Variants in FAM163B observed in about 807,000 individuals in gnomAD.
The protein encoded by FAM163B is protein FAM163B.
A neutral mutation model predicts 7.6 loss-of-function variants in FAM163B; 4 were observed. The observed-to-expected ratio is 0.52, with a 90% confidence interval of 0.26 to 1.20. The LOEUF (loss-of-function observed/expected upper bound fraction) is 1.20, where lower values mean the gene tolerates loss of function less well. FAM163B is among the 50% of genes most tolerant of loss of function. FAM163B has a pLI of 0.14. For missense variants in FAM163B, 250 were observed against 243.0 expected (o/e 1.03, Z -0.19); for synonymous variants, 120 against 111.6 (o/e 1.07, Z -0.47).
At chr9:133,602,096 C>T (rs571937973) in intron 1 of FAM163B, among the ~76,000 whole-genome samples, 1 of 150,836 alleles carries the variant, frequency 6.6e-6, no homozygotes, top group South Asian at 2.1e-4. Flanking sequence ...CAAACACACA[C>T]ACACAGAGCT....
intron 1 of FAM163B, among the ~76,000 whole-genome samples, chr9:133,594,970 G>A (rs146914220): frequency 2.0e-5 from 3 of 152,246 alleles, no homozygotes; most frequent in African/African-American, 2.4e-5. Context: ...CAGAGACCCC[G>A]CAGGCAGCAG....
intron 1 of FAM163B, among the ~76,000 whole-genome samples, chr9:133,585,115 T>C (rs1034098485): frequency 5.1e-4 from 77 of 152,204 alleles, no homozygotes; most frequent in African/African-American, 1.7e-3. Flanking sequence ...ACAGTCCCCT[T>C]CTGAGGGCCC....
intron 1 of FAM163B, among the ~76,000 whole-genome samples, chr9:133,582,818 C>T (rs2131219152): frequency 6.6e-6 from 1 of 152,348 alleles, no homozygotes; most frequent in East Asian, 1.9e-4. Context: ...TGGGTAGAGA[C>T]ATGAGTGCTC....
intron 1 of FAM163B, among the ~76,000 whole-genome samples, chr9:133,585,429 G>A (rs985984274): frequency 6.6e-6 from 1 of 152,212 alleles, no homozygotes; most frequent in Non-Finnish European, 1.5e-5. Flanking sequence ...TAAAGCCCAC[G>A]GGAACGGACC....
At chr9:133,586,504 T>C (rs1831440434) in intron 1 of FAM163B, among the ~76,000 whole-genome samples, 1 of 152,182 alleles carries the variant, frequency 6.6e-6, no homozygotes, top group Admixed American at 6.5e-5. Context: ...CCATGGCATT[T>C]TGCTGGCCAC....
intron 1 of FAM163B, among the ~76,000 whole-genome samples, chr9:133,588,823 T>C (rs1638882782): frequency 6.6e-6 from 1 of 151,204 alleles, no homozygotes; most frequent in African/African-American, 2.4e-5. Context: ...CCAGTCACCC[T>C]GAATGGTCGT....
chr9:133,607,805 C>T (rs778321089), intron 1 of FAM163B, among the ~76,000 whole-genome samples: 15 of 152,268 alleles, frequency 9.9e-5, no homozygotes, highest in Admixed American at 3.3e-4. Context: ...CCTGGGCCCC[C>T]GAGCCTTAGG....
At chr9:133,594,184 G>A (rs1050945779) in intron 1 of FAM163B, among the ~76,000 whole-genome samples, 2 of 152,210 alleles carry the variant, frequency 1.3e-5, no homozygotes, top group African/African-American at 2.4e-5. Context: ...CCTTTACAGC[G>A]CATTTGTTTC....
chr9:133,583,883 C>T (rs1425123851), intron 1 of FAM163B, among the ~76,000 whole-genome samples: 1 of 152,224 alleles, frequency 6.6e-6, no homozygotes, highest in Non-Finnish European at 1.5e-5. Flanking sequence ...GTCCCAGGGC[C>T]AGGCATGGCC....
At chr9:133,591,423 C>T (rs1038888714) in intron 1 of FAM163B, among the ~76,000 whole-genome samples, 4 of 152,158 alleles carry the variant, frequency 2.6e-5, no homozygotes, top group African/African-American at 4.8e-5. Context: ...CTGTTGGGGC[C>T]GTGCACACAC....
Position 133,580,395 on chromosome 9 carries a change from G to T in FAM163B, c.-23-149C>A, listed in dbSNP as rs1831338755. ...AGGCAGGGGCTCTGCCGGGGACGGG[G>T]TGCAGCAGGAGCCCAGGTCCTGCTC... On this transcript the variant is annotated intron_variant, in intron 1 of 2. Coordinates refer to ENST00000673969, the MANE Select transcript of FAM163B (RefSeq NM_001080515.3). The T allele has an allele frequency of 1.2e-5, 8 of 658,276 alleles. No individual in the cohort carries two copies. In the South Asian group the frequency reaches 1.4e-4, roughly 12 times the overall value. The allele number at this position is 658,276 out of a possible 1,614,324, so 40.8% of individuals were successfully genotyped here. A position where few individuals can be genotyped will look rare whatever the true frequency, so the allele number is the denominator to read the frequency against.
At chr9:133,584,673 G>T (rs926987825) in intron 1 of FAM163B, among the ~76,000 whole-genome samples, 6 of 152,230 alleles carry the variant, frequency 3.9e-5, no homozygotes, top group Non-Finnish European at 8.8e-5. Flanking sequence ...GGTAACGGAT[G>T]GGGGAGGAAC....
At chr9:133,599,891 A>C (rs558409409) in intron 1 of FAM163B, among the ~76,000 whole-genome samples, 1 of 143,602 alleles carries the variant, frequency 7.0e-6, no homozygotes, top group African/African-American at 2.6e-5. Flanking sequence ...ATGCATATGC[A>C]TGTGCAAGTG....
At chr9:133,597,869 A>G (rs1831654832) in intron 1 of FAM163B, among the ~76,000 whole-genome samples, 1 of 152,128 alleles carries the variant, frequency 6.6e-6, no homozygotes, top group Non-Finnish European at 1.5e-5. Context: ...GTCAACCTGG[A>G]ACGTGCAATC....
intron 1 of FAM163B, among the ~76,000 whole-genome samples, chr9:133,593,805 C>A (rs552458460): frequency 6.6e-6 from 1 of 152,238 alleles, no homozygotes; most frequent in Non-Finnish European, 1.5e-5. Context: ...ACCCCGGCCC[C>A]GAACCTCAGA....
chr9:133,580,595 C>T (rs1323745210), intron 1 of FAM163B, among the ~76,000 whole-genome samples: 7 of 152,332 alleles, frequency 4.6e-5, no homozygotes, highest in African/African-American at 7.2e-5. Flanking sequence ...CAAGCTTGCA[C>T]GTTTTTAAAT....
intron 1 of FAM163B, among the ~76,000 whole-genome samples, chr9:133,592,661 C>T (rs188065169): frequency 6.6e-6 from 1 of 152,228 alleles, no homozygotes; most frequent in Admixed American, 6.5e-5. Context: ...TGCAGCCTTG[C>T]AGATAACTAC....
chr9:133,592,260 G>A (rs769283965), intron 1 of FAM163B, among the ~76,000 whole-genome samples: 5 of 152,120 alleles, frequency 3.3e-5, no homozygotes, highest in East Asian at 1.9e-4. Context: ...AGGTGGTGCC[G>A]TGCCCCTGTG....
At chr9:133,588,595 T>C (rs192096329) in intron 1 of FAM163B, among the ~76,000 whole-genome samples, 7 of 99,364 alleles carry the variant, frequency 7.0e-5, no homozygotes, top group African/African-American at 1.1e-4. Context: ...ATCTAGCATG[T>C]TGAGGGATCT....
Sources: allele counts gnomAD v4.1 joint callset (sites outside exome capture counted in the v4.1 genomes callset), GRCh38; gene constraint gnomAD v4.1.1; transcripts MANE v1.5; gene names NCBI Gene and HGNC (gene_info 2026-07-23, HGNC 2026-07-21).